PSME4: variants seen among roughly 807,000 people sequenced by gnomAD.
The protein encoded by PSME4 is proteasome activator subunit 4.
Under a neutral mutation model 253.9 loss-of-function variants are expected in PSME4, and 89 were observed. The ratio of observed to expected loss-of-function variants is 0.35; its 90% CI spans 0.30 to 0.42. The LOEUF (loss-of-function observed/expected upper bound fraction) is 0.42. Among genes scored for constraint, PSME4 ranks in the 10% least tolerant of loss-of-function variants. The pLI is 1.00. For missense variants in PSME4, 2,014 were observed against 2,195.2 expected, an observed-to-expected ratio of 0.92 and a Z score of 1.65; for synonymous variants, 851 against 759.2, an observed-to-expected ratio of 1.12 and a Z score of -1.99.
chr2:53,935,049 T>C (rs554021617), intron 7 of PSME4, among the ~76,000 whole-genome samples: 2 of 152,224 alleles, frequency 1.3e-5, no homozygotes, highest in African/African-American at 4.8e-5. Flanking sequence ...ACATGAAATA[T>C]TTTGACTTCT....
At chr2:53,919,019 G>A in intron 20 of PSME4, 132 bp downstream of exon 20, 1 of 810,334 alleles carries the variant, frequency 1.2e-6, no homozygotes, top group East Asian at 3.1e-5. Flanking sequence ...TGGTATTTTT[G>A]ACCTTAACAG....
rs551552640 is a variant in PSME4 at position 53,926,979 on chromosome 2, AAAAG to A, written c.1593+411_1593+414del. On this transcript the variant is annotated intron_variant, in intron 12 of 46. Transcript: ENST00000404125. Reference sequence around the variant, plus strand: ...CATAACAAGACTCCATCTCAAAAAAAAAAGAAAGAAAGAAAGAAAGAAAGAAGTT... The same window carrying A: ...CATAACAAGACTCCATCTCAAAAAAAAAAGAAAGAAAGAAAGAAAGAAGTT... 1.8e-3 allele frequency among the ~76,000 whole-genome samples: 268 copies of A among 151,184 alleles called. 1 individual carries two copies. The highest frequency in any genetic ancestry group is 2.4e-3 in the Non-Finnish European group (165 of 67,808).
chr2:53,949,772 G>C (rs1669891648), intron 1 of PSME4, among the ~76,000 whole-genome samples: 1 of 152,156 alleles, frequency 6.6e-6, no homozygotes, highest in Non-Finnish European at 1.5e-5. Flanking sequence ...TATAGTTTCA[G>C]TCAAGTAAAA....
At chr2:53,923,231 T>G (rs1284557832) in intron 15 of PSME4, 90 bp downstream of exon 15, 1 of 1,475,220 alleles carries the variant, frequency 6.8e-7, no homozygotes, top group African/African-American at 1.4e-5. Flanking sequence ...GAACTATGCA[T>G]TTTAAGCATA....
chr2:53,866,671 A>T, intron 45 of PSME4, 76 bp downstream of exon 45: 1 of 1,471,284 alleles, frequency 6.8e-7, no homozygotes, highest in Middle Eastern at 2.1e-4. Context: ...TTCAGAGTGT[A>T]TAGGAAATTA....
chr2:53,927,455 G>A lies in PSME4; in HGVS notation c.1532C>T (p.Ser511Phe), dbSNP rs1668608364. 6.3e-7 allele frequency: 1 copy of A among 1,595,322 alleles called. No homozygotes were observed. The highest frequency in any genetic ancestry group is 1.3e-5 in the African/African-American group (1 of 74,590). The change falls in exon 12 of 47, where the codon TCT (serine) becomes TTT (phenylalanine). Residue 511 changes from serine to phenylalanine, a missense_variant. Ser to Phe is a radical substitution (Grantham distance 155, BLOSUM62 -2). Coordinates refer to ENST00000404125, the MANE Select transcript of PSME4 (RefSeq NM_014614.3). ...ACAATCTACTAAAGGCACCAGAGTA[G>A]AAAATGTTGCTATGAACTGGAATGT... ...MITFQFIATF[S>F]TLVPLVDCSS...
Position 53,923,470 on chromosome 2 carries a change from T to C in PSME4, c.1810-51A>G, listed in dbSNP as rs554538734. On this transcript the variant is annotated intron_variant, in intron 14 of 46. Transcript: ENST00000404125. Reference sequence around the variant, plus strand: ...GAGCATTTTTTAAGAAAATTAAACATCTTACAGAACATAAAAGAAAATGAT... The same window carrying C: ...GAGCATTTTTTAAGAAAATTAAACACCTTACAGAACATAAAAGAAAATGAT... The C allele has an allele frequency of 4.6e-6, 7 of 1,509,716 alleles. No homozygotes were observed. In the African/African-American group the frequency reaches 5.7e-5, roughly 12 times the overall value. 93.5% of individuals were successfully genotyped at this position (1,509,716 alleles called of 1,614,324 possible).
chr2:53,896,944 T>C, intron 31 of PSME4, 59 bp from the exon 32 acceptor site: 1 of 1,232,774 alleles, frequency 8.1e-7, no homozygotes, highest in Admixed American at 1.8e-5. Context: ...TAACTGGTTG[T>C]CTGCTTTACT....
At chr2:53,958,377 A>G (rs1314503624) in intron 1 of PSME4, among the ~76,000 whole-genome samples, 1 of 151,870 alleles carries the variant, frequency 6.6e-6, no homozygotes, top group East Asian at 1.9e-4. Flanking sequence ...AAAAACAAAA[A>G]AACAAAAACT....
intron 24 of PSME4, 88 bp downstream of exon 24, chr2:53,908,232 T>A (rs1279995992): frequency 9.0e-6 from 9 of 1,001,736 alleles, no homozygotes; most frequent in Non-Finnish European, 1.0e-5. Context: ...TAGGAAAACT[T>A]CTTCTATATG....
intron 1 of PSME4, among the ~76,000 whole-genome samples, chr2:53,953,500 A>G (rs1670095054): frequency 6.6e-6 from 1 of 151,062 alleles, no homozygotes; most frequent in African/African-American, 2.4e-5. Flanking sequence ...AAAAAAAAAA[A>G]AAAAAAAGAA....
At chr2:53,960,259 C>A (rs1670421088) in intron 1 of PSME4, among the ~76,000 whole-genome samples, 1 of 152,064 alleles carries the variant, frequency 6.6e-6, no homozygotes, top group Non-Finnish European at 1.5e-5. Context: ...ATCAGCCAGG[C>A]ATGGTGGCGG....
In PSME4 at chr2:53,920,338, G is replaced by C; in HGVS notation, c.2275C>G (p.Pro759Ala). The change falls in exon 19 of 47, where the codon CCC becomes GCC. Residue 759 changes from proline to alanine, a missense_variant. This residue lies in a region of PSME4 where 989 missense variants were observed against 1,021.1 expected (regional missense o/e 0.97). Coordinates refer to ENST00000404125, the MANE Select transcript of PSME4 (RefSeq NM_014614.3). ...ATTCCCAGATTCCACAAGTCCCCGG[G>C]TTTGCCCCAGTCCTAGAAGAGAACA... ...EYFPIKDWGK[P>A]GDLWNLGIQW... 6.2e-7 allele frequency: 1 copy of C among 1,612,412 alleles called. No individual in the cohort carries two copies. The highest frequency in any genetic ancestry group is 1.7e-5 in the Admixed American group (1 of 59,926).
chr2:53,883,616 T>C (rs187615195), intron 41 of PSME4, among the ~76,000 whole-genome samples: 1 of 152,196 alleles, frequency 6.6e-6, no homozygotes, highest in Non-Finnish European at 1.5e-5. Context: ...TTGAAAATAA[T>C]CTAGTCCTCT....
rs1377684051 is a variant in PSME4 at position 53,866,666 on chromosome 2, A to G, written c.5397+81T>C. On this transcript the variant is annotated intron_variant, in intron 45 of 46. Transcript: ENST00000404125. ...AGCTTTATGAAAGCAGTTAGTTCAG[A>G]GTGTATAGGAAATTATTATTATGGT... is the stretch of plus-strand genomic sequence containing the variant. 9.8e-6 allele frequency: 14 copies of G among 1,426,922 alleles called. No homozygotes were observed. In the South Asian group the frequency reaches 2.0e-4, roughly 20 times the overall value. The allele number at this position is 1,426,922 out of a possible 1,614,324, so 88.4% of individuals were successfully genotyped here.
At chr2:53,908,263 G>A (rs987075960) in intron 24 of PSME4, 57 bp downstream of exon 24, 20 of 1,328,684 alleles carry the variant, frequency 1.5e-5, no homozygotes, top group African/African-American at 1.3e-4. Context: ...CCCAAATTAC[G>A]AGGTTATTAT....
At chr2:53,946,403 T>C (rs749952538) in intron 3 of PSME4, among the ~76,000 whole-genome samples, 44 of 152,258 alleles carry the variant, frequency 2.9e-4, no homozygotes, top group African/African-American at 3.9e-4. Flanking sequence ...ATCTATGAAA[T>C]AGTGAAGCCT....
rs887832892 is a variant in PSME4, at chr2:53,906,510, T to C, written c.2943+88A>G. 5 of 1,404,650 alleles carry C rather than the reference T, an allele frequency of 3.6e-6. No homozygotes were observed. The African/African-American group carries it at 4.4e-5, about 12-fold the overall frequency. The allele number at this position is 1,404,650 out of a possible 1,614,324, so 87.0% of individuals were successfully genotyped here. A position where few individuals can be genotyped will look rare whatever the true frequency, so the allele number is the denominator to read the frequency against. On this transcript the variant is annotated intron_variant, in intron 26 of 46. Coordinates refer to ENST00000404125, the MANE Select transcript of PSME4 (RefSeq NM_014614.3). ...ATAATTCCAATTATGGGTGAAATTA[T>C]TTAAACTCTCTTCTTAAAAGGGGGA...
In PSME4 at chr2:53,932,715, T is replaced by C. The variant is rs1268470660; in HGVS notation, c.1003A>G (p.Asn335Asp). The change falls in exon 9 of 47, where the codon AAC becomes GAC. Residue 335 changes from asparagine (N) to aspartate (D), a missense_variant. By Grantham distance (23) the Asn-to-Asp change is conservative. Around this residue, in one of 4 missense-constraint regions of PSME4, gnomAD observed 615 missense variants for 594.4 expected, o/e 1.03. Coordinates refer to ENST00000404125, the MANE Select transcript of PSME4 (RefSeq NM_014614.3). ...LVQKHLAGLF[N>D]SITSFYHPSN... is the part of the protein sequence containing the mutation. The stretch of plus-strand genomic sequence containing the variant: ...GGATGGTAAAAAGATGTGATGCTGT[T>C]AAACAAACCAGCTAAGTGTTTTTGC... 10 of 1,613,946 alleles carry C rather than the reference T, an allele frequency of 6.2e-6. No homozygotes were observed. The highest frequency in any genetic ancestry group is 8.5e-6 in the Non-Finnish European group (10 of 1,179,942).
Sources: gnomAD v4.1 joint callset for allele counts (sites outside exome capture counted in the v4.1 genomes callset) on GRCh38, gnomAD v4.1.1 for gene constraint, gnomAD v4.1.1 regional missense constraint, MANE v1.5 for transcripts, NCBI Gene and HGNC (gene_info 2026-07-23, HGNC 2026-07-21) for gene names.